LIN7A: variants seen among roughly 807,000 people sequenced by gnomAD.
The protein encoded by LIN7A is lin-7 cell polarity scaffold A.
LIN7A carries 25 observed loss-of-function variants against 29.8 expected under a neutral mutation model. The ratio of observed to expected loss-of-function variants is 0.84; its 90% confidence interval spans 0.61 to 1.17. The LOEUF (loss-of-function observed/expected upper bound fraction) is 1.17. LIN7A is among the 50% of genes most tolerant of loss of function. The probability of loss-of-function intolerance (pLI) is 0.00; values close to 1 mark genes in which losing one functional copy is unlikely to be tolerated. For synonymous variants in LIN7A, 118 were observed against 107.5 expected (o/e 1.10, Z -0.60); for missense variants, 239 against 287.0 (o/e 0.83, Z 1.21).
chr12:80,895,649 T>G (rs1411732012), intron 1 of LIN7A, among the ~76,000 whole-genome samples: 1 of 152,250 alleles, frequency 6.6e-6, no homozygotes, highest in Non-Finnish European at 1.5e-5. Flanking sequence ...CCAAGTTGTT[T>G]TAAGTGTAAA....
At chr12:80,868,168 A>G (rs1336879716) in intron 2 of LIN7A, among the ~76,000 whole-genome samples, 1 of 152,216 alleles carries the variant, frequency 6.6e-6, no homozygotes, top group Non-Finnish European at 1.5e-5. Flanking sequence ...AATAATCATT[A>G]TGAGAGGCCA....
rs148714532 is a variant in LIN7A at position 80,923,522 on chromosome 12, A to G, written c.82+14119T>C. 2.3e-3 allele frequency among the ~76,000 whole-genome samples: 349 copies of G among 152,294 alleles called. 10 individuals are homozygous for G. Among genetic ancestry groups the G allele is most frequent in the Admixed American group, 0.021 (326 of 15,304 alleles). Reference sequence around the variant, plus strand: ...TATTTAACATCTGCTATTTTTCAATAATTGTGCTGGACCTTAAAAATATAT... The same window carrying G: ...TATTTAACATCTGCTATTTTTCAATGATTGTGCTGGACCTTAAAAATATAT... On this transcript the variant is annotated intron_variant, in intron 1 of 5. Transcript: ENST00000552864.
intron 1 of LIN7A, among the ~76,000 whole-genome samples, chr12:80,896,617 G>A (rs906256988): frequency 2.6e-5 from 4 of 152,098 alleles, no homozygotes; most frequent in Non-Finnish European, 4.4e-5. Flanking sequence ...AGACTAATTG[G>A]CAAACCCAAA....
At chr12:80,820,963 C>G (rs1871775099) in intron 4 of LIN7A, among the ~76,000 whole-genome samples, 2 of 152,152 alleles carry the variant, frequency 1.3e-5, no homozygotes, top group South Asian at 4.1e-4. Flanking sequence ...ACCGCCAGTT[C>G]TCATTGTTTG....
At chr12:80,930,212 C>T (rs1877822392) in intron 1 of LIN7A, among the ~76,000 whole-genome samples, 1 of 152,020 alleles carries the variant, frequency 6.6e-6, no homozygotes, top group Non-Finnish European at 1.5e-5. Context: ...GCTTTATGTC[C>T]AAGATAGGTA....
At chr12:80,937,362 C>T (rs1006590699) in intron 1 of LIN7A, 4 of 353,042 alleles carry the variant, frequency 1.1e-5, no homozygotes, top group East Asian at 4.2e-5. Flanking sequence ...GGACCGGAGA[C>T]GACCCGGCGA....
At chr12:80,887,139 A>G (rs1875370077) in intron 2 of LIN7A, among the ~76,000 whole-genome samples, 1 of 152,116 alleles carries the variant, frequency 6.6e-6, no homozygotes, top group Admixed American at 6.6e-5. Context: ...TTTCTTTGAC[A>G]TCCCATATCA....
chr12:80,869,741 G>T (rs578174624), intron 2 of LIN7A, among the ~76,000 whole-genome samples: 1 of 138,144 alleles, frequency 7.2e-6, no homozygotes, highest in African/African-American at 3.1e-5. Flanking sequence ...ACCACATTAC[G>T]CCAATGGTTT....
At chr12:80,889,454 G>A (rs1565917116) in intron 1 of LIN7A, 85 bp from the exon 2 acceptor site, 1 of 845,052 alleles carries the variant, frequency 1.2e-6, no homozygotes, top group South Asian at 1.5e-5. Context: ...GTTGGATGAT[G>A]ACATTGAAAA....
At chr12:80,807,076 T>TTTTTTTTGTTTTTTG (rs1871047525) in intron 5 of LIN7A, among the ~76,000 whole-genome samples, 4 of 126,042 alleles carry the variant, frequency 3.2e-5, no homozygotes, top group Admixed American at 1.6e-4. Flanking sequence ...TTTTTTTTTT[T>TTTTTTTTGTTTTTTG]TTTTTTTTTT....
intron 2 of LIN7A, among the ~76,000 whole-genome samples, chr12:80,872,498 G>A (rs1211504984): frequency 6.6e-6 from 1 of 152,040 alleles, no homozygotes; most frequent in Non-Finnish European, 1.5e-5. Flanking sequence ...GCCCTCTCAT[G>A]GGACTGTCTT....
intron 1 of LIN7A, among the ~76,000 whole-genome samples, chr12:80,930,571 T>C (rs779577694): frequency 6.6e-6 from 1 of 152,238 alleles, no homozygotes; most frequent in Non-Finnish European, 1.5e-5. Flanking sequence ...GGCAATTCTA[T>C]AGCAACTCCA....
chr12:80,815,638 C>T (rs946157051), intron 4 of LIN7A, among the ~76,000 whole-genome samples: 10 of 152,152 alleles, frequency 6.6e-5, no homozygotes, highest in African/African-American at 2.4e-4. Context: ...ACTTGTAGCA[C>T]CAGCTTCCTA....
At chr12:80,888,591 G>T (rs564670997) in intron 2 of LIN7A, among the ~76,000 whole-genome samples, 1 of 152,072 alleles carries the variant, frequency 6.6e-6, no homozygotes, top group Non-Finnish European at 1.5e-5. Flanking sequence ...GTTCCTGACG[G>T]GGAAGGAGTA....
chr12:80,877,132 A>G (rs1874750483), intron 2 of LIN7A, among the ~76,000 whole-genome samples: 1 of 151,668 alleles, frequency 6.6e-6, no homozygotes, highest in African/African-American at 2.4e-5. Context: ...AAAAAAAAAA[A>G]AAAAAAGTTA....
chr12:80,847,438 CA>C (rs1565900172), intron 3 of LIN7A, among the ~76,000 whole-genome samples: 1 of 152,028 alleles, frequency 6.6e-6, no homozygotes, highest in East Asian at 1.9e-4. Flanking sequence ...ACTAAAAAAT[CA>C]AGAGAGAAAC....
intron 1 of LIN7A, among the ~76,000 whole-genome samples, chr12:80,908,932 C>G (rs1876617997): frequency 6.6e-6 from 1 of 151,988 alleles, no homozygotes; most frequent in South Asian, 2.1e-4. Flanking sequence ...TTCTCCTAAT[C>G]TCGTCTTTTA....
chr12:80,798,911 T>G (rs1196643014), intron 5 of LIN7A, among the ~76,000 whole-genome samples: 1 of 152,116 alleles, frequency 6.6e-6, no homozygotes. Flanking sequence ...TTTTGTATTT[T>G]TAGTAGAGAT....
chr12:80,808,199 TC>T (rs1307989357), intron 5 of LIN7A, among the ~76,000 whole-genome samples: 2 of 152,210 alleles, frequency 1.3e-5, no homozygotes, highest in Non-Finnish European at 2.9e-5. Flanking sequence ...TTTCCTGGCT[TC>T]TTGTGATTCA....
Sources: allele counts gnomAD v4.1 joint callset (sites outside exome capture counted in the v4.1 genomes callset), GRCh38; gene constraint gnomAD v4.1.1; transcripts MANE v1.5; gene names NCBI Gene and HGNC (gene_info 2026-07-23, HGNC 2026-07-21).